The following NEDD4L variants were observed in gnomAD, a reference collection of about 807,000 sequenced individuals.
The protein encoded by NEDD4L is NEDD4 like E3 ubiquitin protein ligase.
Under a neutral mutation model 148.9 loss-of-function variants are expected in NEDD4L, and 54 were observed. That is an observed-to-expected ratio of 0.36 (90% CI 0.29 to 0.45). The LOEUF is 0.45. NEDD4L is among the 20% of genes least tolerant of loss of function. The pLI is 1.00. For synonymous variants in NEDD4L, 433 were observed against 440.7 expected, an observed-to-expected ratio of 0.98 and a Z score of 0.22; for missense variants, 856 against 1,233.8, an observed-to-expected ratio of 0.69 and a Z score of 4.59.
intron 5 of NEDD4L, among the ~76,000 whole-genome samples, chr18:58,265,795 C>T (rs1421536537): frequency 6.6e-6 from 1 of 152,098 alleles, no homozygotes; most frequent in African/African-American, 2.4e-5. Context: ...AACCCCTGGC[C>T]TCAAGCAGTC....
chr18:58,142,497 C>G (rs1390037024), intron 1 of NEDD4L, among the ~76,000 whole-genome samples: 1 of 152,198 alleles, frequency 6.6e-6, no homozygotes, highest in African/African-American at 2.4e-5. Context: ...CAGAGGTCCT[C>G]TGACATTTCA....
intron 1 of NEDD4L, among the ~76,000 whole-genome samples, chr18:58,151,788 C>T (rs987311710): frequency 1.3e-5 from 2 of 151,796 alleles, no homozygotes; most frequent in Admixed American, 6.6e-5. Flanking sequence ...AGGATGGGGT[C>T]GGTGAGGTGG....
intron 1 of NEDD4L, among the ~76,000 whole-genome samples, chr18:58,162,536 A>G (rs6566939): frequency 0.51 from 77,085 of 150,494 alleles, 19,919 homozygotes; most frequent in Admixed American, 0.57. Flanking sequence ...CAGTTGCTTT[A>G]TTTAACTGTC....
chr18:58,287,789 G>A (rs114486791), intron 5 of NEDD4L, among the ~76,000 whole-genome samples: 1,691 of 152,204 alleles, frequency 0.011, 25 homozygotes, highest in African/African-American at 0.039. Flanking sequence ...TGAGTTGCAC[G>A]TGTGCGCGAG....
At chr18:58,182,699 C>T (rs765453398) in intron 2 of NEDD4L, among the ~76,000 whole-genome samples, 15 of 152,044 alleles carry the variant, frequency 9.9e-5, no homozygotes, top group Non-Finnish European at 2.1e-4. Context: ...CCAGAGTGGT[C>T]TCAAACTCCT....
intron 2 of NEDD4L, chr18:58,221,537 C>G (rs1440400924): frequency 2.0e-6 from 2 of 985,176 alleles, no homozygotes. Context: ...AGTGAATCAT[C>G]AGTATAAGTA....
intron 5 of NEDD4L, among the ~76,000 whole-genome samples, chr18:58,285,749 A>T (rs1236939508): frequency 6.6e-6 from 1 of 152,234 alleles, no homozygotes; most frequent in East Asian, 1.9e-4. Context: ...GCTCTTTCTA[A>T]CATTCAAATG....
intron 5 of NEDD4L, among the ~76,000 whole-genome samples, chr18:58,253,549 A>G (rs1568482383): frequency 6.6e-6 from 1 of 152,234 alleles, no homozygotes; most frequent in African/African-American, 2.4e-5. Context: ...TCTCTCATCC[A>G]GTGAGGACCA....
chr18:58,219,341 TA>T (rs2043486690), intron 2 of NEDD4L, among the ~76,000 whole-genome samples: 1 of 152,214 alleles, frequency 6.6e-6, no homozygotes, highest in Non-Finnish European at 1.5e-5. Context: ...AAAGTGAGCA[TA>T]CTCAAGTGAA....
Position 58,256,163 on chromosome 18 carries a change from C to A in NEDD4L, c.297+4109C>A. ...CAACGGCACGTGCGGCCGCCGCGTG[C>A]GGTGCTCCGGCCCCGTGGACTGCGC... On this transcript the variant is annotated intron_variant, in intron 5 of 30. Coordinates refer to ENST00000400345, the MANE Select transcript of NEDD4L (RefSeq NM_001144967.3). This position sits in a 1 kb window ranked among gnomAD's most constrained non-coding sequence, Gnocchi z 5.2. 1 of 1,218,498 alleles carries A rather than the reference C, an allele frequency of 8.2e-7. No homozygotes were observed. The highest frequency in any genetic ancestry group is 1.0e-6 in the Non-Finnish European group (1 of 979,714). 75.5% of individuals were successfully genotyped at this position (1,218,498 alleles called of 1,614,324 possible). A position where few individuals can be genotyped will look rare whatever the true frequency, so the allele number is the denominator to read the frequency against.
intron 18 of NEDD4L, among the ~76,000 whole-genome samples, chr18:58,354,369 T>C (rs1302466068): frequency 6.6e-6 from 1 of 152,140 alleles, no homozygotes. Context: ...TTTCTCATCC[T>C]TCCACTTCCT....
intron 18 of NEDD4L, among the ~76,000 whole-genome samples, chr18:58,355,516 A>G (rs922296038): frequency 8.5e-5 from 13 of 152,052 alleles, no homozygotes; most frequent in African/African-American, 3.1e-4. Context: ...TTATTCATTT[A>G]TTTTCTGCTT....
intron 2 of NEDD4L, among the ~76,000 whole-genome samples, chr18:58,212,376 C>A (rs2042681538): frequency 1.3e-5 from 2 of 152,128 alleles, no homozygotes; most frequent in African/African-American, 4.8e-5. Context: ...GGGGAGGACT[C>A]ACGATCACGG....
intron 5 of NEDD4L, among the ~76,000 whole-genome samples, chr18:58,293,663 A>G (rs1225335002): frequency 6.6e-6 from 1 of 152,180 alleles, no homozygotes; most frequent in Non-Finnish European, 1.5e-5. Context: ...TTTGACTCAT[A>G]TGTTTTCTGG....
chr18:58,201,368 T>G (rs1412100638), intron 2 of NEDD4L, among the ~76,000 whole-genome samples: 3 of 152,096 alleles, frequency 2.0e-5, no homozygotes, highest in Non-Finnish European at 4.4e-5. Flanking sequence ...GGAAAGCTAT[T>G]TTTAAATTAT....
intron 2 of NEDD4L, among the ~76,000 whole-genome samples, chr18:58,234,101 CTTTTCT>C (rs1409466329): frequency 3.9e-4 from 30 of 76,722 alleles, no homozygotes; most frequent in African/African-American, 1.7e-3. Flanking sequence ...TTCTTTCTTT[CTTTTCT>C]TTTCTTTTCT....
rs1265943990 is a variant in NEDD4L, at chr18:58,124,168, G to A, written c.49-41620G>A. ...TGTGTCCATTCCTTCTCCAATGACC[G>A]GGTGACAAGCTGTCCCTTCTGAGAG... On this transcript the variant is annotated intron_variant, in intron 1 of 30. Transcript: ENST00000400345. 3.3e-5 allele frequency among the ~76,000 whole-genome samples: 5 copies of A among 152,174 alleles called. No individual in the cohort carries two copies. In the South Asian group the frequency reaches 8.3e-4, roughly 25 times the overall value.
intron 1 of NEDD4L, among the ~76,000 whole-genome samples, chr18:58,073,216 G>C (rs1353928631): frequency 6.6e-6 from 1 of 151,846 alleles, no homozygotes; most frequent in East Asian, 1.9e-4. Context: ...ATCCCAGCTG[G>C]CTTTTTTTTT....
At chr18:58,127,542 T>TA (rs879413031) in intron 1 of NEDD4L, among the ~76,000 whole-genome samples, 48 of 141,678 alleles carry the variant, frequency 3.4e-4, no homozygotes, top group Middle Eastern at 3.6e-3. Flanking sequence ...CACCTTTATT[T>TA]AAAAAAAAAA....
Sources: allele counts gnomAD v4.1 joint callset (sites outside exome capture counted in the v4.1 genomes callset), GRCh38; gene constraint gnomAD v4.1.1; non-coding constraint Gnocchi (gnomAD v3.1); transcripts MANE v1.5; gene names NCBI Gene and HGNC (gene_info 2026-07-23, HGNC 2026-07-21).